The following FRS2 variants were observed in gnomAD, a reference collection of about 807,000 sequenced individuals.
FRS2 encodes the protein fibroblast growth factor receptor substrate 2, also known as FGFR signalling adaptor.
FRS2 carries 8 observed loss-of-function variants against 43.9 expected under a neutral mutation model. The observed-to-expected ratio is 0.18, with a 90% CI of 0.11 to 0.33. FRS2 has a LOEUF of 0.33. Among genes scored for constraint, FRS2 ranks in the 10% least tolerant of loss-of-function variants. The pLI is 1.00. For synonymous variants in FRS2, 219 were observed against 220.3 expected, an observed-to-expected ratio of 0.99 and a Z score of 0.05; for missense variants, 534 against 627.6, an observed-to-expected ratio of 0.85 and a Z score of 1.59.
intron 1 of FRS2, among the ~76,000 whole-genome samples, chr12:69,497,876 A>G (rs1873053212): frequency 6.6e-6 from 1 of 152,224 alleles, no homozygotes. Flanking sequence ...TTTTGAGCAG[A>G]GTAGTAGTCT....
intron 3 of FRS2, among the ~76,000 whole-genome samples, chr12:69,541,006 AAAAACC>A (rs1431019146): frequency 6.6e-6 from 1 of 152,230 alleles, no homozygotes; most frequent in African/African-American, 2.4e-5. Flanking sequence ...GAAAAATCTG[AAAAACC>A]ATTACTGCCA....
chr12:69,521,616 T>G (rs1875650600), intron 1 of FRS2, among the ~76,000 whole-genome samples: 1 of 152,048 alleles, frequency 6.6e-6, no homozygotes. Flanking sequence ...TTTTTGTTTT[T>G]TGTTTTTTGT....
chr12:69,574,105 G>C lies in FRS2; in HGVS notation c.677G>C (p.Ser226Thr). The change falls in exon 9 of 9, where the codon AGC becomes ACC. Residue 226 changes from serine (S) to threonine (T), a missense_variant. Physicochemically the swap from Ser to Thr is moderately conservative, Grantham distance 58. Around this residue, in one of 3 missense-constraint regions of FRS2, gnomAD observed 446 missense variants for 494.2 expected, o/e 0.90. Coordinates refer to ENST00000549921, the MANE Select transcript of FRS2 (RefSeq NM_001278356.2). ...LEARVSNAES[S>T]TPKEEPSSIE... ...GCGAGGGTTTCTAACGCTGAAAGCA[G>C]CACACCAAAAGAAGAACCAAGTAGT... 6.2e-7 allele frequency: 1 copy of C among 1,614,136 alleles called. No homozygotes were observed. Among genetic ancestry groups the C allele is most frequent in the Non-Finnish European group, 8.5e-7 (1 of 1,179,948 alleles).
At chr12:69,528,011 T>G (rs572278846) in intron 1 of FRS2, among the ~76,000 whole-genome samples, 29 of 152,330 alleles carry the variant, frequency 1.9e-4, no homozygotes, top group African/African-American at 7.0e-4. Context: ...ATTGTTCAGA[T>G]GAAAGGTATG....
rs117992129 is a variant in FRS2 at position 69,485,798 on chromosome 12, A to T, written c.-261+15268A>T. 9.7e-3 allele frequency among the ~76,000 whole-genome samples: 1,472 copies of T among 152,310 alleles called. 17 individuals are homozygous for T. The highest frequency in any genetic ancestry group is 0.017 in the Non-Finnish European group (1,157 of 68,024). ...AGGTTTTAATTGAATACTTACTAAG[A>T]TTCACACACTGTACTTAAGTGCATT... is the stretch of plus-strand genomic sequence containing the variant. On this transcript the variant is annotated intron_variant, in intron 1 of 8. Coordinates refer to ENST00000549921, the MANE Select transcript of FRS2 (RefSeq NM_001278356.2).
chr12:69,570,632 ATTG>A (rs1880675454), intron 6 of FRS2, 115 bp downstream of exon 6: 3 of 651,758 alleles, frequency 4.6e-6, no homozygotes, highest in East Asian at 2.7e-5. Context: ...AAATAAACAG[ATTG>A]TTAAGGAAAG....
intron 1 of FRS2, among the ~76,000 whole-genome samples, chr12:69,502,254 C>T (rs1873521801): frequency 6.6e-6 from 1 of 152,176 alleles, no homozygotes; most frequent in Non-Finnish European, 1.5e-5. Context: ...GTGTGAACCA[C>T]TGCACCTGGC....
chr12:69,550,721 A>G (rs1319970796), intron 3 of FRS2, among the ~76,000 whole-genome samples: 2 of 152,226 alleles, frequency 1.3e-5, no homozygotes, highest in South Asian at 2.1e-4. Context: ...CACCTGAGCC[A>G]TACTGCACTT....
chr12:69,533,728 G>A (rs1207130609), intron 3 of FRS2, among the ~76,000 whole-genome samples: 1 of 152,092 alleles, frequency 6.6e-6, no homozygotes, highest in South Asian at 2.1e-4. Flanking sequence ...GAATTTCATC[G>A]GGGTGATGAA....
At chr12:69,560,278 A>G (rs1408946577) in intron 3 of FRS2, among the ~76,000 whole-genome samples, 1 of 152,148 alleles carries the variant, frequency 6.6e-6, no homozygotes, top group East Asian at 1.9e-4. Context: ...TTTTCGAAAT[A>G]TCTTTATATC....
intron 1 of FRS2, among the ~76,000 whole-genome samples, chr12:69,516,067 T>G (rs1160745045): frequency 6.6e-6 from 1 of 152,090 alleles, no homozygotes; most frequent in Non-Finnish European, 1.5e-5. Flanking sequence ...TCTCGTTAAT[T>G]ATTACTTTAG....
intron 3 of FRS2, among the ~76,000 whole-genome samples, chr12:69,548,178 T>G (rs1878583366): frequency 6.6e-6 from 1 of 152,168 alleles, no homozygotes; most frequent in Non-Finnish European, 1.5e-5. Context: ...TTTAACAGAA[T>G]TAATCTGGTT....
At chr12:69,548,361 ATGGAT>A (rs1466738366) in intron 3 of FRS2, among the ~76,000 whole-genome samples, 1 of 152,164 alleles carries the variant, frequency 6.6e-6, no homozygotes, top group Non-Finnish European at 1.5e-5. Context: ...GAAAGGATTG[ATGGAT>A]TGGATATGGG....
At chr12:69,520,702 G>C (rs1875548874) in intron 1 of FRS2, among the ~76,000 whole-genome samples, 1 of 151,998 alleles carries the variant, frequency 6.6e-6, no homozygotes, top group East Asian at 1.9e-4. Context: ...TTTTTATCAA[G>C]TTTGTTGAAG....
chr12:69,503,700 GA>G (rs1873670670), intron 1 of FRS2, among the ~76,000 whole-genome samples: 1 of 152,142 alleles, frequency 6.6e-6, no homozygotes, highest in South Asian at 2.1e-4. Flanking sequence ...CTGAAGTTGT[GA>G]AATAGTGTCT....
At chr12:69,511,486 A>C (rs1466930596) in intron 1 of FRS2, among the ~76,000 whole-genome samples, 1 of 152,222 alleles carries the variant, frequency 6.6e-6, no homozygotes, top group Non-Finnish European at 1.5e-5. Context: ...TCAAACTGTT[A>C]ATTATAAAAG....
intron 1 of FRS2, among the ~76,000 whole-genome samples, chr12:69,486,472 C>CT (rs1443879368): frequency 6.6e-6 from 1 of 152,286 alleles, no homozygotes; most frequent in East Asian, 1.9e-4. Context: ...TTCCTCATCT[C>CT]TTTCCTGCTC....
At chr12:69,523,382 G>GAA (rs1875884503) in intron 1 of FRS2, among the ~76,000 whole-genome samples, 1 of 152,146 alleles carries the variant, frequency 6.6e-6, no homozygotes, top group Non-Finnish European at 1.5e-5. Context: ...TGTTTTGTCT[G>GAA]AAATTAGGAT....
intron 3 of FRS2, among the ~76,000 whole-genome samples, chr12:69,554,179 A>G (rs956335320): frequency 2.0e-5 from 3 of 152,200 alleles, no homozygotes; most frequent in Non-Finnish European, 4.4e-5. Flanking sequence ...TTTTGTTTCT[A>G]AAGAACCCTT....
Sources: allele counts gnomAD v4.1 joint callset (sites outside exome capture counted in the v4.1 genomes callset), GRCh38; gene constraint gnomAD v4.1.1; regional missense constraint gnomAD v4.1.1; transcripts MANE v1.5; gene names NCBI Gene and HGNC (gene_info 2026-07-23, HGNC 2026-07-21).